Variants in CCDC73 observed in about 807,000 individuals in gnomAD.
CCDC73 encodes the protein coiled-coil domain containing 73, also known as coiled-coil domain-containing protein 73.
Under a neutral mutation model 116.5 loss-of-function variants are expected in CCDC73, and 95 were observed. That is an observed-to-expected ratio of 0.82 (90% CI 0.69 to 0.97). The LOEUF (loss-of-function observed/expected upper bound fraction) is 0.97, where lower values mean the gene tolerates loss of function less well. CCDC73 is among the 50% of genes least tolerant of loss of function. The pLI is 0.00. For synonymous variants in CCDC73, 398 were observed against 401.3 expected (o/e 0.99, Z 0.10); for missense variants, 1,066 against 1,206.8 (o/e 0.88, Z 1.73).
chr11:32,768,174 G>C (rs564889719), intron 1 of CCDC73, among the ~76,000 whole-genome samples: 5,586 of 152,242 alleles, frequency 0.037, 183 homozygotes, highest in Admixed American at 0.088. Flanking sequence ...CCTTTGTAGG[G>C]ACATGGATGA....
chr11:32,823,552 CAG>C, the CCDC73 span, among the ~76,000 whole-genome samples: 2 of 150,852 alleles, frequency 1.3e-5, no homozygotes, highest in Non-Finnish European at 1.5e-5. Context: ...AGAGCTAAAA[CAG>C]GGAAATAATA....
intron 6 of CCDC73, among the ~76,000 whole-genome samples, chr11:32,697,223 T>C (rs952083013): frequency 9.9e-5 from 15 of 152,082 alleles, no homozygotes; most frequent in African/African-American, 3.6e-4. Context: ...TGAAAGTAAG[T>C]TGCAGCTAAT....
intron 3 of CCDC73, among the ~76,000 whole-genome samples, chr11:32,714,232 A>C (rs1849925196): frequency 6.6e-6 from 1 of 152,104 alleles, no homozygotes. Flanking sequence ...TCCATGACCA[A>C]GAAGGTTACC....
At chr11:32,704,911 G>A (rs1565080562) in intron 3 of CCDC73, among the ~76,000 whole-genome samples, 1 of 152,198 alleles carries the variant, frequency 6.6e-6, no homozygotes, top group Non-Finnish European at 1.5e-5. Flanking sequence ...GTCACCCAGT[G>A]AAGCTCTTCT....
intron 9 of CCDC73, among the ~76,000 whole-genome samples, chr11:32,666,366 C>T (rs1228220230): frequency 6.6e-6 from 1 of 152,096 alleles, no homozygotes; most frequent in African/African-American, 2.4e-5. Flanking sequence ...TTTCTTTTTA[C>T]TCTTTTTCCC....
rs766003847 is a variant in CCDC73, at chr11:32,613,829, A to G, written c.2489T>C (p.Val830Ala). 2.5e-6 allele frequency: 4 copies of G among 1,613,736 alleles called. No individual in the cohort carries two copies. Among genetic ancestry groups the G allele is most frequent in the Non-Finnish European group, 3.4e-6 (4 of 1,179,954 alleles). ...TGTATGCTGTCTTTCATTAATGCTC[A>G]CAAAAAGGAAGAGGTCATTTTTTGT... ...EATKNDLFLF[V>A]SINERQHTLL... The change falls in exon 16 of 18, where the codon GTG becomes GCG. Residue 830 changes from valine (V) to alanine (A), a missense_variant. Transcript: ENST00000335185.
At chr11:32,780,450 A>G (rs764171644) in intron 1 of CCDC73, among the ~76,000 whole-genome samples, 1 of 152,158 alleles carries the variant, frequency 6.6e-6, no homozygotes, top group Non-Finnish European at 1.5e-5. Flanking sequence ...AACAATTTAG[A>G]ATGTCTCAAA....
At chr11:32,629,921 C>CAAAAAAAAAAAAAAAAAAAAAAAAAAGA (rs367693675) in intron 14 of CCDC73, among the ~76,000 whole-genome samples, 1 of 55,724 alleles carries the variant, frequency 1.8e-5, no homozygotes, top group Admixed American at 2.0e-4. Flanking sequence ...AGCAGATATG[C>CAAAAAAAAAAAAAAAAAAAAAAAAAAGA]AAAAAAAAAA....
chr11:32,670,719 G>A (rs115496249), intron 9 of CCDC73, among the ~76,000 whole-genome samples: 1,950 of 152,144 alleles, frequency 0.013, 37 homozygotes, highest in African/African-American at 0.045. Flanking sequence ...TGCGACAAAT[G>A]TCTATGTTTT....
At chr11:32,669,901 T>G (rs1442610015) in intron 9 of CCDC73, among the ~76,000 whole-genome samples, 1 of 152,234 alleles carries the variant, frequency 6.6e-6, no homozygotes, top group Non-Finnish European at 1.5e-5. Context: ...TCTTGGCTAT[T>G]GTGAACAGTG....
chr11:32,744,640 G>A (rs1053137696), intron 2 of CCDC73, among the ~76,000 whole-genome samples: 3 of 152,120 alleles, frequency 2.0e-5, no homozygotes, highest in Non-Finnish European at 2.9e-5. Flanking sequence ...TCTTGGAAGG[G>A]TGTATGTGTC....
At chr11:32,687,942 T>C (rs964066051) in intron 6 of CCDC73, among the ~76,000 whole-genome samples, 1 of 152,146 alleles carries the variant, frequency 6.6e-6, no homozygotes, top group African/African-American at 2.4e-5. Context: ...AGCAACCAGC[T>C]TGAATGGACT....
intron 2 of CCDC73, among the ~76,000 whole-genome samples, chr11:32,747,743 T>C (rs1850252751): frequency 6.6e-6 from 1 of 152,204 alleles, no homozygotes; most frequent in Non-Finnish European, 1.5e-5. Flanking sequence ...CCATGGGCGT[T>C]GGACCTGCCG....
intron 2 of CCDC73, among the ~76,000 whole-genome samples, chr11:32,757,216 A>T (rs1000316827): frequency 1.3e-5 from 2 of 152,182 alleles, no homozygotes; most frequent in African/African-American, 4.8e-5. Flanking sequence ...GATTCCCTTT[A>T]TATAAAAATC....
intron 3 of CCDC73, among the ~76,000 whole-genome samples, chr11:32,710,966 T>G (rs1453513543): frequency 1.3e-5 from 2 of 152,110 alleles, no homozygotes; most frequent in Non-Finnish European, 2.9e-5. Flanking sequence ...CTTCACAATC[T>G]ATACATCTGA....
intron 14 of CCDC73, among the ~76,000 whole-genome samples, chr11:32,622,164 T>A (rs143874019): frequency 8.5e-5 from 13 of 152,324 alleles, no homozygotes; most frequent in African/African-American, 2.9e-4. Context: ...TTACTGGGTA[T>A]ATACACAAAG....
At chr11:32,671,484 A>AATGGAAATTG (rs1856037668) in intron 9 of CCDC73, among the ~76,000 whole-genome samples, 1 of 152,160 alleles carries the variant, frequency 6.6e-6, no homozygotes, top group South Asian at 2.1e-4. Context: ...GTATAATAAA[A>AATGGAAATTG]ATGGAAATTG....
At chr11:32,645,473 T>C (rs1032110315) in intron 12 of CCDC73, among the ~76,000 whole-genome samples, 4 of 151,984 alleles carry the variant, frequency 2.6e-5, no homozygotes, top group African/African-American at 9.7e-5. Context: ...GTATTTTTAG[T>C]AGAGACGGGG....
Position 32,720,231 on chromosome 11 carries a change from G to C in CCDC73, c.136-2084C>G, listed in dbSNP as rs181241568. The stretch of plus-strand genomic sequence containing the variant: ...GCAGGTATGCAAAGCTGGTTCAACA[G>C]TTGAAAATCAATCAGTATAATTTAT... On this transcript the variant is annotated intron_variant, in intron 2 of 17. Coordinates refer to ENST00000335185, the MANE Select transcript of CCDC73 (RefSeq NM_001008391.4). 7.2e-5 allele frequency among the ~76,000 whole-genome samples: 11 copies of C among 152,136 alleles called. 1 individual carries two copies. The highest frequency in any genetic ancestry group is 1.3e-4 in the Non-Finnish European group (9 of 68,006).
Sources: allele counts gnomAD v4.1 joint callset (sites outside exome capture counted in the v4.1 genomes callset), GRCh38; gene constraint gnomAD v4.1.1; transcripts MANE v1.5; gene names NCBI Gene and HGNC (gene_info 2026-07-23, HGNC 2026-07-21).